EVC2: variants seen among roughly 807,000 people sequenced by gnomAD.
EVC2 encodes EvC ciliary complex subunit 2.
Under a neutral mutation model 149.3 loss-of-function variants are expected in EVC2, and 148 were observed. The observed-to-expected ratio is 0.99, with a 90% CI of 0.87 to 1.14. EVC2 has a LOEUF of 1.14. EVC2 is among the 50% of genes most tolerant of loss of function. The probability of loss-of-function intolerance (pLI) is 0.00; values close to 1 mark genes in which losing one functional copy is unlikely to be tolerated. For synonymous variants in EVC2, 776 were observed against 649.9 expected, an observed-to-expected ratio of 1.19 and a Z score of -2.95; for missense variants, 1,854 against 1,627.3, an observed-to-expected ratio of 1.14 and a Z score of -2.40.
intron 1 of EVC2, among the ~76,000 whole-genome samples, chr4:5,700,985 G>A (rs1721789556): frequency 6.6e-6 from 1 of 152,242 alleles, no homozygotes; most frequent in Non-Finnish European, 1.5e-5. Context: ...AGTTCTAGAA[G>A]TCAGAAGTCT....
At chr4:5,662,470 A>T (rs1184474214) in intron 9 of EVC2, among the ~76,000 whole-genome samples, 1 of 145,200 alleles carries the variant, frequency 6.9e-6, no homozygotes, top group Non-Finnish European at 1.5e-5. Context: ...ATTATTATTA[A>T]TATAATATTA....
intron 7 of EVC2, among the ~76,000 whole-genome samples, chr4:5,669,301 T>C (rs1719478682): frequency 6.6e-6 from 1 of 152,222 alleles, no homozygotes; most frequent in Non-Finnish European, 1.5e-5. Context: ...CTTTATTTCA[T>C]TCAATCTTCT....
Position 5,614,903 on chromosome 4 carries a change from G to A in EVC2, c.2829+519C>T, listed in dbSNP as rs976616501. On this transcript the variant is annotated intron_variant, in intron 16 of 21. Transcript: ENST00000344408. This position sits in a 1 kb window ranked among gnomAD's most constrained non-coding sequence, Gnocchi z 4.7. ...GAGGCAGAAGAATCACTTGAACCCAGGAGGCGGAGGTTGCAGTGAGCCGAG... is the reference window on the plus strand; with the variant it reads ...GAGGCAGAAGAATCACTTGAACCCAAGAGGCGGAGGTTGCAGTGAGCCGAG... Among the ~76,000 whole-genome samples, 1 of 151,482 alleles carries A rather than the reference G, an allele frequency of 6.6e-6. No individual in the cohort carries two copies. The highest frequency in any genetic ancestry group is 1.5e-5 in the Non-Finnish European group (1 of 67,834).
chr4:5,697,553 T>C, intron 2 of EVC2, 40 bp downstream of exon 2: 1 of 1,609,728 alleles, frequency 6.2e-7, no homozygotes. Flanking sequence ...TGGTTTTTCA[T>C]GCTCAAAACA....
At position 5,640,579 on chromosome 4, in the gene EVC2, G is replaced by C. The variant is rs1717251631; in HGVS notation, c.1405C>G (p.Gln469Glu). Residue 469 changes from glutamine to glutamate, a missense_variant, in exon 10 of 22, where the codon CAG (glutamine) becomes GAG (glutamate). Physicochemically the swap from Gln to Glu is conservative, Grantham distance 29. Coordinates refer to ENST00000344408, the MANE Select transcript of EVC2 (RefSeq NM_147127.5). The surrounding 1 kb of genome is among the most constrained non-coding windows in gnomAD (Gnocchi z 4.6). Reference protein sequence around the residue: ...DLETRKKMENQYQREMMAMEE... With the variant: ...DLETRKKMENEYQREMMAMEE... ...ATTGCCATCATCTCTCTCTGGTACT[G>C]GTTTTCCATCTTCTTTCTTGTTTCC... The C allele has an allele frequency of 6.2e-7, 1 of 1,614,118 alleles. No individual in the cohort carries two copies. Among genetic ancestry groups the C allele is most frequent in the Non-Finnish European group, 8.5e-7 (1 of 1,180,012 alleles).
intron 1 of EVC2, among the ~76,000 whole-genome samples, chr4:5,703,764 T>C (rs980929270): frequency 5.3e-5 from 8 of 152,278 alleles, no homozygotes; most frequent in South Asian, 2.1e-4. Context: ...ATATATATTA[T>C]ACAAACAAAA....
intron 13 of EVC2, 119 bp from the exon 14 acceptor site, chr4:5,623,110 C>T: frequency 1.1e-6 from 1 of 950,794 alleles, no homozygotes; most frequent in Non-Finnish European, 1.5e-6. Context: ...AACAATCTCA[C>T]ATTTGGAAGT....
chr4:5,596,694 G>C (rs762240092), intron 16 of EVC2, among the ~76,000 whole-genome samples: 3 of 152,078 alleles, frequency 2.0e-5, no homozygotes, highest in African/African-American at 7.2e-5. Flanking sequence ...TCAAAAGCTA[G>C]CAGAAGGCAA....
At position 5,584,643 on chromosome 4, in the gene EVC2, T is replaced by A; in HGVS notation, c.3037A>T (p.Ile1013Phe). 1 of 1,613,692 alleles carries A rather than the reference T, an allele frequency of 6.2e-7. No individual in the cohort carries two copies. The highest frequency in any genetic ancestry group is 8.5e-7 in the Non-Finnish European group (1 of 1,179,854). The part of the protein sequence containing the change: ...EMLTKSACTQ[I>F]LESHSRELQE... ...CTCACCCGGCTGTGCGACTCCAGGA[T>A]CTGTGTGCAGGCCGACTTGGTCAGC... The change falls in exon 17 of 22, where the codon ATC becomes TTC. Residue 1013 changes from isoleucine to phenylalanine, a missense_variant. Transcript: ENST00000344408.
chr4:5,656,435 A>G (rs536977247), intron 9 of EVC2, among the ~76,000 whole-genome samples: 1 of 152,190 alleles, frequency 6.6e-6, no homozygotes, highest in African/African-American at 2.4e-5. Context: ...AATTCCTGGA[A>G]CCTGGAAATG....
intron 15 of EVC2, 54 bp from the exon 16 acceptor site, chr4:5,615,598 T>C (rs950276423): frequency 6.2e-7 from 1 of 1,613,512 alleles, no homozygotes; most frequent in Non-Finnish European, 8.5e-7. Flanking sequence ...AGCAAGTCCA[T>C]GCAGCTCCCC....
At chr4:5,565,945 G>A (rs912977069) in intron 20 of EVC2, among the ~76,000 whole-genome samples, 2 of 152,186 alleles carry the variant, frequency 1.3e-5, no homozygotes, top group African/African-American at 2.4e-5. Context: ...GGGCACTCAC[G>A]AAGGAATGGG....
chr4:5,604,762 T>C (rs1714253032), intron 16 of EVC2, among the ~76,000 whole-genome samples: 2 of 152,050 alleles, frequency 1.3e-5, no homozygotes, highest in Non-Finnish European at 2.9e-5. Context: ...ATACCCTGAC[T>C]TGACCATTAT....
chr4:5,687,809 G>C (rs577252044), intron 5 of EVC2, among the ~76,000 whole-genome samples: 2 of 152,056 alleles, frequency 1.3e-5, no homozygotes, highest in South Asian at 4.2e-4. Flanking sequence ...CAGGACCACG[G>C]GCTGAAGAGG....
chr4:5,603,581 T>A (rs1714159743), intron 16 of EVC2, among the ~76,000 whole-genome samples: 2 of 152,216 alleles, frequency 1.3e-5, no homozygotes. Flanking sequence ...TACCCCTGCA[T>A]AATTGCCAAG....
chr4:5,588,398 A>C (rs1300944984), intron 16 of EVC2, among the ~76,000 whole-genome samples: 2 of 152,154 alleles, frequency 1.3e-5, no homozygotes, highest in African/African-American at 4.8e-5. Flanking sequence ...TATGCTTGGG[A>C]TACACTGAGC....
intron 8 of EVC2, 98 bp downstream of exon 8, chr4:5,665,417 A>G: frequency 1.3e-6 from 2 of 1,583,022 alleles, no homozygotes; most frequent in Non-Finnish European, 8.6e-7. Flanking sequence ...CTCCCTCAGC[A>G]ATGCTGATGG....
At chr4:5,681,816 T>C (rs1310649500) in intron 6 of EVC2, among the ~76,000 whole-genome samples, 1 of 152,190 alleles carries the variant, frequency 6.6e-6, no homozygotes, top group Admixed American at 6.5e-5. Flanking sequence ...AAATAAAGTG[T>C]GTCATGGTAT....
chr4:5,689,907 C>T (rs1720994393), intron 4 of EVC2, among the ~76,000 whole-genome samples: 1 of 152,248 alleles, frequency 6.6e-6, no homozygotes, highest in Non-Finnish European at 1.5e-5. Context: ...GCCCTGCCTT[C>T]CTCTCTAATC....
Sources: gnomAD v4.1 joint callset for allele counts (sites outside exome capture counted in the v4.1 genomes callset) on GRCh38, gnomAD v4.1.1 for gene constraint, Gnocchi (gnomAD v3.1) non-coding constraint, MANE v1.5 for transcripts, NCBI Gene and HGNC (gene_info 2026-07-23, HGNC 2026-07-21) for gene names.